SNX29: variants seen among roughly 807,000 people sequenced by gnomAD.
SNX29 encodes the protein sorting nexin-29.
A neutral mutation model predicts 102.1 loss-of-function variants in SNX29; 78 were observed. The ratio of observed to expected loss-of-function variants is 0.76; its 90% CI spans 0.64 to 0.92. The LOEUF (loss-of-function observed/expected upper bound fraction) is 0.92, where lower values mean the gene tolerates loss of function less well. SNX29 is among the 40% of genes least tolerant of loss of function. The pLI is 0.00. For synonymous variants in SNX29, 580 were observed against 414.5 expected, an observed-to-expected ratio of 1.40 and a Z score of -4.85; for missense variants, 1,280 against 1,061.7, an observed-to-expected ratio of 1.21 and a Z score of -2.86.
At chr16:12,210,860 A>T (rs2077166318) in intron 14 of SNX29, among the ~76,000 whole-genome samples, 2 of 151,578 alleles carry the variant, frequency 1.3e-5, no homozygotes, top group Non-Finnish European at 2.9e-5. Context: ...AGTGGCCTTT[A>T]CCTTTTCAGA....
chr16:12,048,812 A>G (rs1411071496), intron 7 of SNX29, among the ~76,000 whole-genome samples, 192 bp downstream of exon 7: 1 of 152,172 alleles, frequency 6.6e-6, no homozygotes, highest in Non-Finnish European at 1.5e-5. Flanking sequence ...AGATGCGAGA[A>G]TTGCCGGGTG....
At chr16:12,507,670 C>T (rs1597655881) in intron 19 of SNX29, among the ~76,000 whole-genome samples, 1 of 152,160 alleles carries the variant, frequency 6.6e-6, no homozygotes. Context: ...GGAATGATTC[C>T]TTTTTCGGCC....
At chr16:12,129,584 G>T (rs748049492) in intron 12 of SNX29, 46 bp from the exon 13 acceptor site, 3 of 1,571,580 alleles carry the variant, frequency 1.9e-6, no homozygotes, top group Admixed American at 3.5e-5. Context: ...GGCTCAGTGG[G>T]GTCTGGGTTG....
At chr16:12,377,446 A>G (rs925419980) in intron 16 of SNX29, among the ~76,000 whole-genome samples, 1 of 152,254 alleles carries the variant, frequency 6.6e-6, no homozygotes, top group Middle Eastern at 3.4e-3. Flanking sequence ...TACATGTCAC[A>G]TCTCTCTTAT....
At chr16:12,250,359 G>C (rs953751748) in intron 14 of SNX29, among the ~76,000 whole-genome samples, 1 of 152,218 alleles carries the variant, frequency 6.6e-6, no homozygotes, top group Non-Finnish European at 1.5e-5. Flanking sequence ...ATACAAGTCA[G>C]AGCCCCAGGA....
intron 13 of SNX29, among the ~76,000 whole-genome samples, chr16:12,147,723 T>G (rs887966451): frequency 6.6e-6 from 1 of 152,338 alleles, no homozygotes; most frequent in African/African-American, 2.4e-5. Flanking sequence ...GCAGCCTGAT[T>G]ATTCGTAGAA....
intron 13 of SNX29, among the ~76,000 whole-genome samples, chr16:12,198,091 C>T (rs1021637657): frequency 6.6e-6 from 1 of 152,110 alleles, no homozygotes; most frequent in Admixed American, 6.5e-5. Context: ...GTGAGACGAC[C>T]AGTCTCAGAA....
intron 20 of SNX29, chr16:12,557,389 C>CA (rs1169291262): frequency 1.3e-5 from 2 of 152,120 alleles, no homozygotes; most frequent in Non-Finnish European, 2.9e-5. Context: ...CGAATAGAAA[C>CA]AAGCCACCTT....
intron 10 of SNX29, among the ~76,000 whole-genome samples, chr16:12,072,822 A>G (rs1596775559): frequency 6.6e-6 from 1 of 152,072 alleles, no homozygotes; most frequent in Admixed American, 6.5e-5. Flanking sequence ...TTGGTAAGCT[A>G]TTGATTATTG....
At chr16:12,016,782 G>A (rs1009840386) in intron 3 of SNX29, among the ~76,000 whole-genome samples, 5 of 151,800 alleles carry the variant, frequency 3.3e-5, no homozygotes, top group Non-Finnish European at 7.4e-5. Flanking sequence ...ATTTTTATAG[G>A]GTGATTTCCT....
chr16:12,465,174 C>G (rs1290541776), intron 18 of SNX29, among the ~76,000 whole-genome samples: 1 of 152,178 alleles, frequency 6.6e-6, no homozygotes, highest in Non-Finnish European at 1.5e-5. Context: ...TTTGTAGGTT[C>G]TTTTCATTTT....
At chr16:12,076,284 C>T (rs971641881) in intron 10 of SNX29, among the ~76,000 whole-genome samples, 32 of 150,938 alleles carry the variant, frequency 2.1e-4, no homozygotes, top group Admixed American at 1.8e-3. Flanking sequence ...TGTTCCTATT[C>T]GGCCATCTTG....
chr16:12,568,164 G>A (rs1222172813), intron 20 of SNX29, among the ~76,000 whole-genome samples: 4 of 152,150 alleles, frequency 2.6e-5, no homozygotes, highest in African/African-American at 9.7e-5. Context: ...GCGTACCTTT[G>A]CTGGAAAATC....
rs111944933 is a variant in SNX29, at chr16:12,518,482, G to A, written c.2179-6220G>A. 5.8e-4 allele frequency among the ~76,000 whole-genome samples: 89 copies of A among 152,226 alleles called. 1 individual carries two copies. Among genetic ancestry groups the A allele is most frequent in the African/African-American group, 2.1e-3 (87 of 41,538 alleles). ...AGGGCACCACCTTGACCACCTGATG[G>A]CCACACGCCTTTCCTCCAGGAGCCA... is the stretch of plus-strand genomic sequence containing the variant. On this transcript the variant is annotated intron_variant, in intron 19 of 20. Transcript: ENST00000566228.
chr16:12,264,187 C>T (rs1272417440), intron 14 of SNX29, among the ~76,000 whole-genome samples: 1 of 152,230 alleles, frequency 6.6e-6, no homozygotes, highest in Non-Finnish European at 1.5e-5. Flanking sequence ...AGCCCCTGTG[C>T]CTTTTGCAGT....
intron 20 of SNX29, 59 bp from the exon 21 acceptor site, chr16:12,568,447 C>G (rs1162204297): frequency 3.8e-6 from 6 of 1,596,256 alleles, no homozygotes; most frequent in Non-Finnish European, 5.1e-6. Flanking sequence ...CCCTTCCTGG[C>G]CTGTGGTCAT....
intron 10 of SNX29, among the ~76,000 whole-genome samples, chr16:12,077,270 A>C (rs239773): frequency 0.53 from 79,821 of 151,078 alleles, 22,820 homozygotes; most frequent in African/African-American, 0.76. Flanking sequence ...CGGAGTGAGA[A>C]CCTGTCTTAA....
intron 15 of SNX29, among the ~76,000 whole-genome samples, chr16:12,316,724 C>A (rs2080757844): frequency 6.6e-6 from 1 of 152,168 alleles, no homozygotes; most frequent in Admixed American, 6.5e-5. Context: ...TTCCTTCTCT[C>A]CCATCCCTCC....
At chr16:12,203,814 C>G (rs773953158) in intron 14 of SNX29, among the ~76,000 whole-genome samples, 1 of 152,200 alleles carries the variant, frequency 6.6e-6, no homozygotes, top group Non-Finnish European at 1.5e-5. Context: ...TAGGATTGGC[C>G]ACACGTGACT....
Sources: gnomAD v4.1 joint callset for allele counts (sites outside exome capture counted in the v4.1 genomes callset) on GRCh38, gnomAD v4.1.1 for gene constraint, MANE v1.5 for transcripts, NCBI Gene and HGNC (gene_info 2026-07-23, HGNC 2026-07-21) for gene names.